The following KANK4 variants were observed in gnomAD, a reference collection of about 807,000 sequenced individuals.
KANK4 encodes the protein KN motif and ankyrin repeat domains 4.
In KANK4, 50 loss-of-function variants were observed where a neutral mutation model predicts 80.8. The ratio of observed to expected loss-of-function variants is 0.62; its 90% CI spans 0.49 to 0.78. The LOEUF (loss-of-function observed/expected upper bound fraction) is 0.78. Ranked by LOEUF, KANK4 falls within the 30% of genes least tolerant of loss-of-function variation. The probability of loss-of-function intolerance (pLI) is 0.00; values close to 1 mark genes in which losing one functional copy is unlikely to be tolerated. For missense variants in KANK4, 1,196 were observed against 1,240.1 expected, an observed-to-expected ratio of 0.96 and a Z score of 0.53; for synonymous variants, 465 against 506.9, an observed-to-expected ratio of 0.92 and a Z score of 1.11.
rs150539903 is a variant in KANK4, at chr1:62,268,375, C to T, written c.2143G>A (p.Glu715Lys). Residue 715 changes from glutamate to lysine, a missense_variant, in exon 5 of 10, where the codon GAG becomes AAG. Transcript: ENST00000371153. ...CCCTCAGGGATGCCCTGCCCAGCCT[C>T]GCAGGTGAGATGGGCATCTTTGACA... ...KHVKDAHLTCEAGQGIPEGTC... is the reference protein window; with the variant it reads ...KHVKDAHLTCKAGQGIPEGTC... 4.9e-5 allele frequency: 79 copies of T among 1,613,944 alleles called. 1 individual carries two copies. The East Asian group carries it at 5.6e-4, about 11-fold the overall frequency.
intron 9 of KANK4, among the ~76,000 whole-genome samples, chr1:62,239,503 G>A (rs912357647): frequency 8.6e-5 from 13 of 151,886 alleles, no homozygotes; most frequent in African/African-American, 2.7e-4. Flanking sequence ...ATTTCCTAAG[G>A]ACTGGTTCTT....
At chr1:62,244,337 A>C (rs1671417156) in intron 9 of KANK4, among the ~76,000 whole-genome samples, 1 of 152,080 alleles carries the variant, frequency 6.6e-6, no homozygotes, top group Non-Finnish European at 1.5e-5. Context: ...CTGGGACTAC[A>C]GGTGCAAGCC....
At chr1:62,268,135 C>A (rs1181541097) in intron 5 of KANK4, 152 bp downstream of exon 5, 2 of 689,734 alleles carry the variant, frequency 2.9e-6, no homozygotes, top group Non-Finnish European at 5.1e-6. Flanking sequence ...CTTTATTCAA[C>A]CAGTGCACAG....
At chr1:62,264,527 G>A (rs1464712932) in intron 6 of KANK4, among the ~76,000 whole-genome samples, 1 of 152,174 alleles carries the variant, frequency 6.6e-6, no homozygotes, top group Non-Finnish European at 1.5e-5. Flanking sequence ...GGAGTAAAAG[G>A]GGACTGGCCC....
rs1199510994 is a variant in KANK4 at position 62,266,782 on chromosome 1, C to T, written c.2269G>A (p.Ala757Thr). The change falls in exon 6 of 10, where the codon GCA becomes ACA. Residue 757 changes from alanine to threonine, a missense_variant. Physicochemically the swap from Ala to Thr is moderately conservative, Grantham distance 58. Around this residue, in one of 3 missense-constraint regions of KANK4, gnomAD observed 1,154 missense variants for 1,179.6 expected, o/e 0.98. Transcript: ENST00000371153. Reference sequence around the variant, plus strand: ...GTTTCTGGCAGATGCTGGCTCAGTGCCCGGCATGCATTAAGAAATTCTTCT... The same window carrying T: ...GTTTCTGGCAGATGCTGGCTCAGTGTCCGGCATGCATTAAGAAATTCTTCT... ...PSEEFLNACR[A>T]LSQHLPETGT... 6.2e-7 allele frequency: 1 copy of T among 1,612,544 alleles called. No individual in the cohort carries two copies. Among genetic ancestry groups the T allele is most frequent in the African/African-American group, 1.3e-5 (1 of 74,888 alleles).
intron 8 of KANK4, among the ~76,000 whole-genome samples, 164 bp from the exon 9 acceptor site, chr1:62,247,836 C>T (rs1420759272): frequency 6.6e-6 from 1 of 151,944 alleles, no homozygotes; most frequent in Non-Finnish European, 1.5e-5. Flanking sequence ...CAAAATTCTA[C>T]TCTTTTAAGA....
At chr1:62,281,411 C>G in intron 2 of KANK4, 138 bp downstream of exon 2, 1 of 1,037,824 alleles carries the variant, frequency 9.6e-7, no homozygotes, top group South Asian at 1.3e-5. Context: ...GAAATACATG[C>G]TTGAGCCTAC....
At chr1:62,265,215 A>G (rs761935876) in intron 6 of KANK4, among the ~76,000 whole-genome samples, 9 of 151,630 alleles carry the variant, frequency 5.9e-5, no homozygotes, top group Non-Finnish European at 1.0e-4. Context: ...TTTGATCAAC[A>G]TCCACATCAC....
chr1:62,236,593 A>AT lies in KANK4; in HGVS notation c.*1683dup, dbSNP rs11449212. Among the ~76,000 whole-genome samples the AT allele has an allele frequency of 0.27, 34,073 of 124,128 alleles. 4,960 individuals carry two copies. The highest frequency in any genetic ancestry group is 0.3 in the Non-Finnish European group (18,839 of 61,818). The allele number at this position is 124,128 out of a possible 152,430, so 81.4% of individuals were successfully genotyped here. Reference sequence around the variant, plus strand: ...ATGGCCTTAATGGGTTACAAATTGGATTTTTTTTTTTTTTTTTTTTGAGAC... The same window carrying AT: ...ATGGCCTTAATGGGTTACAAATTGGATTTTTTTTTTTTTTTTTTTTTGAGAC... On this transcript the variant is annotated 3_prime_UTR_variant, in exon 10 of 10. Coordinates refer to ENST00000371153, the MANE Select transcript of KANK4 (RefSeq NM_181712.5).
At chr1:62,276,634 G>A (rs570342826) in intron 2 of KANK4, among the ~76,000 whole-genome samples, 9 of 152,098 alleles carry the variant, frequency 5.9e-5, no homozygotes, top group Non-Finnish European at 1.0e-4. Flanking sequence ...AAAGTTAGCC[G>A]GGCATGGTGG....
rs758275447 is a variant in KANK4, at chr1:62,274,311, C to T, written c.793G>A (p.Glu265Lys). ...GCTTCTCTGGCATTGTGTTCATCTT[C>T]CTTGTCCTCTAGAACTACAAGCACA... ...QNVLVVLEDK[E>K]DEHNAREAEV... Residue 265 changes from glutamate to lysine, a missense_variant, in exon 3 of 10, where the codon GAA becomes AAA. This residue lies in a region of KANK4 where 1,154 missense variants were observed against 1,179.6 expected (regional missense o/e 0.98). Coordinates refer to ENST00000371153, the MANE Select transcript of KANK4 (RefSeq NM_181712.5). 16 of 1,614,062 alleles carry T rather than the reference C, an allele frequency of 9.9e-6. No individual in the cohort carries two copies. In the South Asian group the frequency reaches 1.2e-4, roughly 12 times the overall value.
chr1:62,289,821 T>C (rs1672644343), intron 1 of KANK4, among the ~76,000 whole-genome samples: 1 of 152,202 alleles, frequency 6.6e-6, no homozygotes, highest in African/African-American at 2.4e-5. Context: ...ATATTTAACA[T>C]AATTGAAGGG....
At chr1:62,307,692 A>G (rs1443597809) in intron 1 of KANK4, among the ~76,000 whole-genome samples, 1 of 151,986 alleles carries the variant, frequency 6.6e-6, no homozygotes, top group African/African-American at 2.4e-5. Flanking sequence ...CCGAAGGTCC[A>G]CTGCTCACCT....
intron 2 of KANK4, among the ~76,000 whole-genome samples, chr1:62,275,896 GGGGAAGGGGAAGGGGAA>G (rs1200257346): frequency 9.9e-6 from 1 of 101,136 alleles, no homozygotes; most frequent in Non-Finnish European, 2.1e-5. Flanking sequence ...AAGGAAGGAA[GGGGAAGGGGAAGGGGAA>G]GGGAAGGGAA....
intron 7 of KANK4, among the ~76,000 whole-genome samples, chr1:62,259,644 T>A (rs1278530068): frequency 6.6e-6 from 1 of 151,890 alleles, no homozygotes; most frequent in African/African-American, 2.4e-5. Flanking sequence ...TTGCTGACTT[T>A]TCTGAATGTC....
chr1:62,266,323 A>C (rs1672018199), intron 6 of KANK4, among the ~76,000 whole-genome samples: 1 of 151,674 alleles, frequency 6.6e-6, no homozygotes, highest in Admixed American at 6.6e-5. Flanking sequence ...CACACTGTGC[A>C]CTGCACACTC....
rs2886600 is a variant in KANK4 at position 62,269,804 on chromosome 1, T to G, written c.2013-1299A>C. On this transcript the variant is annotated intron_variant, in intron 4 of 9. Transcript: ENST00000371153. ...AATAAAATTTAAAAAAAAAGAGCCATGGGATAGAAGGATAAGAGGAGTGGC... is the reference window on the plus strand; with the variant it reads ...AATAAAATTTAAAAAAAAAGAGCCAGGGGATAGAAGGATAAGAGGAGTGGC... Among the ~76,000 whole-genome samples the G allele has an allele frequency of 2.0e-5, 3 of 152,130 alleles. 1 individual carries two copies. Among genetic ancestry groups the G allele is most frequent in the African/African-American group, 7.2e-5 (3 of 41,478 alleles).
At chr1:62,261,731 C>G (rs1442218345) in intron 7 of KANK4, among the ~76,000 whole-genome samples, 1 of 152,172 alleles carries the variant, frequency 6.6e-6, no homozygotes, top group Non-Finnish European at 1.5e-5. Context: ...TGTGGTGGCT[C>G]CAACTCACCC....
rs1644567655 is a variant in KANK4, at chr1:62,319,111, CGA to C, written c.-78_-77del. 6.6e-6 allele frequency: 1 copy of C among 152,252 alleles called. No homozygotes were observed. Among genetic ancestry groups the C allele is most frequent in the East Asian group, 1.9e-4 (1 of 5,184 alleles). 9.4% of individuals were successfully genotyped at this position (152,252 alleles called of 1,614,324 possible). ...GGGGTCGCAGAGTCCCTTACCTTGGCGAGCTGCGGAAGTCCTGCGCGAGGCGG... is the reference window on the plus strand; with the variant it reads ...GGGGTCGCAGAGTCCCTTACCTTGGCGCTGCGGAAGTCCTGCGCGAGGCGG... On this transcript the variant is annotated 5_prime_UTR_variant, in exon 1 of 10. Coordinates refer to ENST00000371153, the MANE Select transcript of KANK4 (RefSeq NM_181712.5).
Sources: allele counts gnomAD v4.1 joint callset (sites outside exome capture counted in the v4.1 genomes callset), GRCh38; gene constraint gnomAD v4.1.1; regional missense constraint gnomAD v4.1.1; transcripts MANE v1.5; gene names NCBI Gene and HGNC (gene_info 2026-07-23, HGNC 2026-07-21).